The following SNAP25 variants were observed in gnomAD, a reference collection of about 807,000 sequenced individuals.
SNAP25 encodes the protein synaptosome associated protein 25.
In SNAP25, 3 loss-of-function variants were observed where a neutral mutation model predicts 28.7. That is an observed-to-expected ratio of 0.10 (90% CI 0.05 to 0.27). SNAP25 has a LOEUF of 0.27. Ranked by LOEUF, SNAP25 falls within the 10% of genes least tolerant of loss-of-function variation. The pLI, the probability that SNAP25 is intolerant of heterozygous loss-of-function variation, is 1.00. For missense variants in SNAP25, 117 were observed against 278.7 expected, an observed-to-expected ratio of 0.42 and a Z score of 4.13; for synonymous variants, 61 against 88.1, an observed-to-expected ratio of 0.69 and a Z score of 1.72.
At chr20:10,267,596 A>C (rs531088051) in intron 1 of SNAP25, among the ~76,000 whole-genome samples, 1 of 152,310 alleles carries the variant, frequency 6.6e-6, no homozygotes, top group African/African-American at 2.4e-5. Flanking sequence ...CTCTGTCACC[A>C]GGCTAGAGTG....
At chr20:10,268,823 C>A (rs953282156) in intron 1 of SNAP25, among the ~76,000 whole-genome samples, 3 of 152,058 alleles carry the variant, frequency 2.0e-5, no homozygotes, top group African/African-American at 7.2e-5. Context: ...GCAGCCTGCC[C>A]ACCGTGAAGC....
chr20:10,290,769 G>A (rs1425693997), intron 4 of SNAP25, among the ~76,000 whole-genome samples: 2 of 152,114 alleles, frequency 1.3e-5, no homozygotes, highest in South Asian at 2.1e-4. Context: ...ATTAGCTGGG[G>A]GCAGCATCTC....
chr20:10,271,244 C>T (rs1171567565), intron 1 of SNAP25, among the ~76,000 whole-genome samples: 2 of 152,178 alleles, frequency 1.3e-5, no homozygotes, highest in East Asian at 1.9e-4. Flanking sequence ...AATAAACATC[C>T]TTATGCCTCT....
intron 1 of SNAP25, among the ~76,000 whole-genome samples, chr20:10,236,790 C>T (rs1177377181): frequency 6.6e-6 from 1 of 151,944 alleles, no homozygotes; most frequent in African/African-American, 2.4e-5. Context: ...GCTGACTCAC[C>T]CAGCTGCCTA....
rs11547872 is a variant in SNAP25, at chr20:10,275,458, C to T, written c.-34C>T. The T allele has an allele frequency of 2.5e-6, 4 of 1,576,900 alleles. No homozygotes were observed. The highest frequency in any genetic ancestry group is 2.3e-5 in the South Asian group (2 of 85,960). Reference sequence around the variant, plus strand: ...AGAGCCAAACCCGTCACTGACCCCCCAGCCCAGGCGCCCAGCCACTCCCCA... The same window carrying T: ...AGAGCCAAACCCGTCACTGACCCCCTAGCCCAGGCGCCCAGCCACTCCCCA... On this transcript the variant is annotated 5_prime_UTR_variant, in exon 2 of 8. Transcript: ENST00000254976.
At chr20:10,220,937 TTTCC>T (rs1188594081) in intron 1 of SNAP25, among the ~76,000 whole-genome samples, 79 of 152,366 alleles carry the variant, frequency 5.2e-4, no homozygotes, top group African/African-American at 1.8e-3. Context: ...TGACCATGTG[TTTCC>T]ATGTATGTAT....
chr20:10,296,416 G>A (rs911984451), intron 5 of SNAP25: 18 of 158,912 alleles, frequency 1.1e-4, no homozygotes, highest in African/African-American at 3.6e-4. Flanking sequence ...TTCCACACGT[G>A]TTGGGAAAAA....
At chr20:10,253,169 C>A (rs1052727223) in intron 1 of SNAP25, among the ~76,000 whole-genome samples, 6 of 152,166 alleles carry the variant, frequency 3.9e-5, no homozygotes, top group African/African-American at 1.4e-4. Flanking sequence ...TGTTCTTGAC[C>A]AGGTCACTTG....
chr20:10,230,759 G>A (rs1210318585), intron 1 of SNAP25, among the ~76,000 whole-genome samples: 1 of 152,114 alleles, frequency 6.6e-6, no homozygotes, highest in Admixed American at 6.5e-5. Context: ...TTGTGACTGG[G>A]TACTTAGCAA....
At chr20:10,301,116 G>A (rs2064225326) in intron 7 of SNAP25, among the ~76,000 whole-genome samples, 2 of 152,190 alleles carry the variant, frequency 1.3e-5, no homozygotes, top group Admixed American at 1.3e-4. Flanking sequence ...AACTCTTATT[G>A]ACAGAGTTGA....
chr20:10,303,258 A>G (rs918900574), intron 7 of SNAP25, among the ~76,000 whole-genome samples: 1 of 152,110 alleles, frequency 6.6e-6, no homozygotes, highest in African/African-American at 2.4e-5. Flanking sequence ...GAGATTATCC[A>G]TTTTCCAATT....
intron 1 of SNAP25, among the ~76,000 whole-genome samples, chr20:10,230,074 T>C (rs1437827799): frequency 6.6e-6 from 1 of 152,076 alleles, no homozygotes; most frequent in Non-Finnish European, 1.5e-5. Flanking sequence ...TCTCTCCTTT[T>C]CCCACCCATA....
intron 4 of SNAP25, among the ~76,000 whole-genome samples, chr20:10,291,470 A>G (rs773760689): frequency 1.4e-4 from 21 of 152,184 alleles, no homozygotes; most frequent in Non-Finnish European, 2.5e-4. Flanking sequence ...CCAGGTATTC[A>G]ATGCTGGATA....
At chr20:10,244,204 C>T (rs2063086884) in intron 1 of SNAP25, among the ~76,000 whole-genome samples, 1 of 152,100 alleles carries the variant, frequency 6.6e-6, no homozygotes, top group Non-Finnish European at 1.5e-5. Flanking sequence ...TGTTAATAGT[C>T]GTGGTAATAA....
At chr20:10,291,733 T>TA (rs748266524) in intron 4 of SNAP25, among the ~76,000 whole-genome samples, 35 of 152,340 alleles carry the variant, frequency 2.3e-4, no homozygotes, top group Non-Finnish European at 3.5e-4. Flanking sequence ...GAAATGTACT[T>TA]ATCAGTTGTA....
intron 7 of SNAP25, among the ~76,000 whole-genome samples, chr20:10,302,572 T>C (rs1236090234): frequency 1.3e-5 from 2 of 152,168 alleles, no homozygotes; most frequent in Non-Finnish European, 2.9e-5. Context: ...TTCTAAACTT[T>C]TACTGGCTCT....
chr20:10,303,624 C>T (rs545868194), intron 7 of SNAP25, among the ~76,000 whole-genome samples: 1 of 152,264 alleles, frequency 6.6e-6, no homozygotes, highest in East Asian at 1.9e-4. Flanking sequence ...CCCACACTGC[C>T]TGGCAGCCTC....
In SNAP25 at chr20:10,235,540, G is replaced by T. The variant is rs533075524; in HGVS notation, c.-64+16563G>T. Among the ~76,000 whole-genome samples, 3 of 152,350 alleles carry T rather than the reference G, an allele frequency of 2.0e-5. No individual in the cohort carries two copies. The South Asian group carries it at 6.2e-4, about 32-fold the overall frequency. ...GGGATGGAAGAAAACTAGTCAAGTA[G>T]AGGGAGGAGTGGATCCACATGTCAT... is the stretch of plus-strand genomic sequence containing the variant. On this transcript the variant is annotated intron_variant, in intron 1 of 7. Coordinates refer to ENST00000254976, the MANE Select transcript of SNAP25 (RefSeq NM_130811.4).
At chr20:10,301,464 C>G (rs1312527430) in intron 7 of SNAP25, among the ~76,000 whole-genome samples, 1 of 152,120 alleles carries the variant, frequency 6.6e-6, no homozygotes, top group African/African-American at 2.4e-5. Context: ...CACTTCAACC[C>G]AGCATTGCCC....
Sources: gnomAD v4.1 joint callset for allele counts (sites outside exome capture counted in the v4.1 genomes callset) on GRCh38, gnomAD v4.1.1 for gene constraint, MANE v1.5 for transcripts, NCBI Gene and HGNC (gene_info 2026-07-23, HGNC 2026-07-21) for gene names.